Variants in NRP2 observed in about 807,000 individuals in gnomAD.
The protein encoded by NRP2 is neuropilin 2.
NRP2 carries 52 observed loss-of-function variants against 110.4 expected under a neutral mutation model. The ratio of observed to expected loss-of-function variants is 0.47; its 90% CI spans 0.38 to 0.59. The LOEUF (loss-of-function observed/expected upper bound fraction) is 0.59, where lower values mean the gene tolerates loss of function less well. Among genes scored for constraint, NRP2 ranks in the 20% least tolerant of loss-of-function variants. The pLI is 0.00. For synonymous variants in NRP2, 508 were observed against 468.9 expected, an observed-to-expected ratio of 1.08 and a Z score of -1.08; for missense variants, 1,049 against 1,203.0, an observed-to-expected ratio of 0.87 and a Z score of 1.89.
chr2:205,772,555 TG>T (rs796749842), intron 15 of NRP2, among the ~76,000 whole-genome samples: 2 of 152,324 alleles, frequency 1.3e-5, no homozygotes, highest in South Asian at 2.1e-4. Context: ...GTAGAGAATC[TG>T]GGGTGGGAAT....
chr2:205,716,271 G>A lies in NRP2; in HGVS notation c.330G>A (p.Pro110=), dbSNP rs751590695. Residue 110 remains proline (P), a synonymous_variant, in exon 3 of 17, where the codon CCG becomes CCA. Coordinates refer to ENST00000357785, the MANE Select transcript of NRP2 (RefSeq NM_003872.3). ...GCAAACACTGTGGGAACATCGCCCC[G>A]CCCACCATCATCTCCTCGGGCTCCA... ...LLGKHCGNIA[P]PTIISSGSML... 67 of 1,614,026 alleles carry A rather than the reference G, an allele frequency of 4.2e-5. No individual in the cohort carries two copies. Among genetic ancestry groups the A allele is most frequent in the Non-Finnish European group, 5.2e-5 (61 of 1,180,038 alleles).
intron 2 of NRP2, 142 bp downstream of exon 2, chr2:205,697,863 C>G: frequency 1.2e-6 from 1 of 839,102 alleles, no homozygotes; most frequent in East Asian, 2.4e-5. Flanking sequence ...AGAGGAAAAC[C>G]TCAAGGGGCA....
At chr2:205,691,694 T>TTTCCCC (rs2056318604) in intron 1 of NRP2, among the ~76,000 whole-genome samples, 1 of 152,238 alleles carries the variant, frequency 6.6e-6, no homozygotes, top group Non-Finnish European at 1.5e-5. Context: ...AAATGTCTCC[T>TTTCCCC]AAAATGGTCA....
intron 7 of NRP2, among the ~76,000 whole-genome samples, chr2:205,731,290 C>T (rs867027433): frequency 8.5e-5 from 13 of 152,138 alleles, no homozygotes; most frequent in African/African-American, 2.4e-4. Context: ...TTTTGGTTTC[C>T]CCAGCTATAT....
rs1337789561 is a variant in NRP2, at chr2:205,686,236, T to A, written c.73+2873T>A. On this transcript the variant is annotated intron_variant, in intron 1 of 16. Coordinates refer to ENST00000357785, the MANE Select transcript of NRP2 (RefSeq NM_003872.3). The surrounding 1 kb of genome is among the most constrained non-coding windows in gnomAD (Gnocchi z 4.7). Reference sequence around the variant, plus strand: ...GCTTGTGCCCTCCTCCTCCTCCTCCTCCTAAGGACACCCCCAGGGAAAAGC... The same window carrying A: ...GCTTGTGCCCTCCTCCTCCTCCTCCACCTAAGGACACCCCCAGGGAAAAGC... Among the ~76,000 whole-genome samples, 1 of 151,990 alleles carries A rather than the reference T, an allele frequency of 6.6e-6. No individual in the cohort carries two copies. The highest frequency in any genetic ancestry group is 1.5e-5 in the Non-Finnish European group (1 of 67,988).
intron 3 of NRP2, among the ~76,000 whole-genome samples, chr2:205,719,234 T>C (rs746106959): frequency 5.3e-5 from 8 of 152,118 alleles, no homozygotes; most frequent in Non-Finnish European, 8.8e-5. Flanking sequence ...CAAATAGCCA[T>C]ACAGAGGGCT....
At chr2:205,776,201 T>C (rs1194771368) in intron 15 of NRP2, 1 of 1,543,142 alleles carries the variant, frequency 6.5e-7, no homozygotes, top group South Asian at 1.1e-5. Context: ...TTGATTAGTC[T>C]GCATGCTCTC....
chr2:205,766,932 A>C (rs1575654275), intron 15 of NRP2, 129 bp downstream of exon 15: 26 of 794,056 alleles, frequency 3.3e-5, no homozygotes, highest in East Asian at 1.0e-4. Context: ...GAGACGCCAC[A>C]CCTTCCTGCC....
chr2:205,777,503 A>G (rs878882458), intron 15 of NRP2: 1 of 152,242 alleles, frequency 6.6e-6, no homozygotes, highest in Admixed American at 6.5e-5. Context: ...TGACGTAGGA[A>G]AAACAGTAGT....
intron 4 of NRP2, 121 bp from the exon 5 acceptor site, chr2:205,723,664 A>G: frequency 1.0e-6 from 1 of 1,002,008 alleles, no homozygotes; most frequent in East Asian, 2.6e-5. Context: ...TTTGGTTTTT[A>G]TGGCAAGATG....
intron 12 of NRP2, among the ~76,000 whole-genome samples, chr2:205,757,204 G>T (rs1239693315): frequency 6.6e-6 from 1 of 152,104 alleles, no homozygotes; most frequent in African/African-American, 2.4e-5. Context: ...AAAGCCTATG[G>T]GATTGAGGGA....
intron 7 of NRP2, among the ~76,000 whole-genome samples, chr2:205,736,361 T>A (rs1255334089): frequency 6.6e-6 from 1 of 152,040 alleles, no homozygotes; most frequent in Non-Finnish European, 1.5e-5. Flanking sequence ...TAAATTAAAT[T>A]AAATAAATAA....
chr2:205,744,378 C>A (rs1443065944), intron 9 of NRP2, among the ~76,000 whole-genome samples: 1 of 152,172 alleles, frequency 6.6e-6, no homozygotes, highest in African/African-American at 2.4e-5. Context: ...TTCTGAATGT[C>A]GCTGCATTCC....
At chr2:205,757,774 G>A (rs1340648061) in intron 12 of NRP2, among the ~76,000 whole-genome samples, 1 of 152,076 alleles carries the variant, frequency 6.6e-6, no homozygotes, top group African/African-American at 2.4e-5. Context: ...CTAAAAGAAA[G>A]CCAATAGTCA....
chr2:205,791,403 T>C lies in NRP2; in HGVS notation c.2426-832T>C, dbSNP rs568817933. 1.2e-4 allele frequency among the ~76,000 whole-genome samples: 18 copies of C among 152,368 alleles called. No individual in the cohort carries two copies. The South Asian group carries it at 3.7e-3, about 32-fold the overall frequency. On this transcript the variant is annotated intron_variant, in intron 15 of 16. Transcript: ENST00000357785. ...AATGATAAGATGTTGCTCTTTGCCA[T>C]GCATTTGATGTTCTCTATTAATGTT...
chr2:205,769,869 AT>A (rs934893419), intron 15 of NRP2, among the ~76,000 whole-genome samples: 4 of 152,190 alleles, frequency 2.6e-5, no homozygotes, highest in Middle Eastern at 3.2e-3. Flanking sequence ...AAGGTGATGG[AT>A]TATTTCCTCT....
intron 7 of NRP2, among the ~76,000 whole-genome samples, chr2:205,735,269 A>C (rs2057322797): frequency 6.6e-6 from 1 of 152,088 alleles, no homozygotes; most frequent in Non-Finnish European, 1.5e-5. Context: ...AGAAGGTAGG[A>C]AGGCTGCAAA....
At chr2:205,741,908 A>G (rs1311968403) in intron 8 of NRP2, among the ~76,000 whole-genome samples, 1 of 152,216 alleles carries the variant, frequency 6.6e-6, no homozygotes, top group Non-Finnish European at 1.5e-5. Context: ...TAGCTTGCCC[A>G]AAGTCATTCA....
intron 2 of NRP2, among the ~76,000 whole-genome samples, chr2:205,711,666 C>T (rs1450626166): frequency 6.6e-6 from 1 of 152,176 alleles, no homozygotes. Flanking sequence ...GATGTCAGGA[C>T]TTGGGCAGAG....
Sources: allele counts gnomAD v4.1 joint callset (sites outside exome capture counted in the v4.1 genomes callset), GRCh38; gene constraint gnomAD v4.1.1; non-coding constraint Gnocchi (gnomAD v3.1); transcripts MANE v1.5; gene names NCBI Gene and HGNC (gene_info 2026-07-23, HGNC 2026-07-21).